Variants in GREB1L observed in about 807,000 individuals in gnomAD.
GREB1L encodes GREB1-like protein.
GREB1L carries 17 observed loss-of-function variants against 200.8 expected under a neutral mutation model. The ratio of observed to expected loss-of-function variants is 0.08; its 90% CI spans 0.06 to 0.13. The LOEUF (loss-of-function observed/expected upper bound fraction) is 0.13, where lower values mean the gene tolerates loss of function less well. GREB1L is among the 10% of genes least tolerant of loss of function. GREB1L has a pLI of 1.00. For synonymous variants in GREB1L, 789 were observed against 893.0 expected (o/e 0.88, Z 2.08); for missense variants, 1,657 against 2,367.7 (o/e 0.70, Z 6.23).
intron 1 of GREB1L, among the ~76,000 whole-genome samples, chr18:21,354,854 A>G (rs1222741778): frequency 1.3e-5 from 2 of 152,234 alleles, no homozygotes; most frequent in Admixed American, 6.5e-5. Flanking sequence ...ATAAGGCTGG[A>G]GAGATGTGCA....
rs139550729 is a variant in GREB1L, at chr18:21,486,092, C to T, written c.2690+339C>T. ...GCTTCTGGCTGGGCGCGGTGGCCCA[C>T]GCCTGTAATCCCAGCACTTTGGGAG... is the stretch of plus-strand genomic sequence containing the variant. On this transcript the variant is annotated intron_variant, in intron 18 of 32. Transcript: ENST00000424526. Among the ~76,000 whole-genome samples, 166 of 152,282 alleles carry T rather than the reference C, an allele frequency of 1.1e-3. 1 individual carries two copies. The East Asian group carries it at 0.027, about 24-fold the overall frequency.
At chr18:21,373,208 C>T (rs1035209754) in intron 2 of GREB1L, among the ~76,000 whole-genome samples, 6 of 152,090 alleles carry the variant, frequency 3.9e-5, no homozygotes, top group Admixed American at 1.3e-4. Context: ...GAGGTGACAG[C>T]GGGATCTCTC....
At chr18:21,272,018 C>T (rs1283389692) in intron 1 of GREB1L, among the ~76,000 whole-genome samples, 2 of 152,178 alleles carry the variant, frequency 1.3e-5, no homozygotes, top group Non-Finnish European at 1.5e-5. Flanking sequence ...AAAAACAGGA[C>T]TAAGAATATC....
At chr18:21,314,767 A>G (rs1490995005) in intron 1 of GREB1L, among the ~76,000 whole-genome samples, 2 of 152,214 alleles carry the variant, frequency 1.3e-5, no homozygotes, top group Non-Finnish European at 2.9e-5. Flanking sequence ...GCTCTAGACA[A>G]TATGAAAATG....
chr18:21,335,843 T>C (rs1049252712), intron 1 of GREB1L, among the ~76,000 whole-genome samples: 14 of 151,998 alleles, frequency 9.2e-5, no homozygotes, highest in Non-Finnish European at 1.8e-4. Flanking sequence ...TTTTGTATTT[T>C]TAGTAGAGAC....
intron 1 of GREB1L, among the ~76,000 whole-genome samples, chr18:21,263,063 C>T (rs2037914120): frequency 6.6e-6 from 1 of 152,160 alleles, no homozygotes; most frequent in South Asian, 2.1e-4. Context: ...TACCTGGTGA[C>T]TGAAAGTGCT....
rs1567919435 is a variant in GREB1L at position 21,278,400 on chromosome 18, ATAAAT to A, written c.-120+36008_-120+36012del. Among the ~76,000 whole-genome samples the A allele has an allele frequency of 3.6e-3, 494 of 137,912 alleles. 3 individuals are homozygous for A. Among genetic ancestry groups the A allele is most frequent in the African/African-American group, 0.014 (476 of 33,222 alleles). 90.5% of individuals were successfully genotyped at this position (137,912 alleles called of 152,430 possible). A position where few individuals can be genotyped will look rare whatever the true frequency, so the allele number is the denominator to read the frequency against. On this transcript the variant is annotated intron_variant, in intron 1 of 32. Transcript: ENST00000424526. ...CATCTCAAAAAAAAAAAATAAATAAATAAATAAATAAATAAATAAATAAATAAATA... is the reference window on the plus strand; with the variant it reads ...CATCTCAAAAAAAAAAAATAAATAAAAAATAAATAAATAAATAAATAAATA...
chr18:21,525,026 A>ATATATATATATATATC lies in GREB1L; in HGVS notation c.*2206_*2207insATATATATATATATCT, dbSNP rs1568085597. The ATATATATATATATATC allele has an allele frequency of 2.0e-5, 3 of 151,088 alleles. No individual in the cohort carries two copies. The highest frequency in any genetic ancestry group is 3.0e-5 in the Non-Finnish European group (2 of 67,770). The allele number at this position is 151,088 out of a possible 1,614,324, so 9.4% of individuals were successfully genotyped here. ...ATGATTTGTGTGTATATATATATAT[A>ATATATATATATATATC]TCCTAGTGTGTTCAGCTTTAAGCTT... On this transcript the variant is annotated 3_prime_UTR_variant, in exon 33 of 33. Coordinates refer to ENST00000424526, the MANE Select transcript of GREB1L (RefSeq NM_001142966.3).
At chr18:21,383,041 A>T (rs2040388702) in intron 2 of GREB1L, among the ~76,000 whole-genome samples, 1 of 151,896 alleles carries the variant, frequency 6.6e-6, no homozygotes, top group Non-Finnish European at 1.5e-5. Flanking sequence ...TAAAACTTTC[A>T]TTTTTTTTCC....
At chr18:21,431,181 G>A (rs1568004678) in intron 7 of GREB1L, among the ~76,000 whole-genome samples, 1 of 151,622 alleles carries the variant, frequency 6.6e-6, no homozygotes, top group Admixed American at 6.6e-5. Flanking sequence ...ACCACCACAC[G>A]TGGCTAATTT....
chr18:21,476,581 T>G (rs578257121), intron 16 of GREB1L, among the ~76,000 whole-genome samples: 1 of 147,802 alleles, frequency 6.8e-6, no homozygotes, highest in South Asian at 2.1e-4. Context: ...TGGGGTTTTG[T>G]TTTTTTTTTA....
At chr18:21,385,641 TAGG>T (rs1368896791) in intron 4 of GREB1L, among the ~76,000 whole-genome samples, 1 of 152,190 alleles carries the variant, frequency 6.6e-6, no homozygotes, top group East Asian at 1.9e-4. Context: ...TGTGGAGGTG[TAGG>T]AGGTGACTAG....
chr18:21,293,493 G>A (rs2038481622), intron 1 of GREB1L, among the ~76,000 whole-genome samples: 1 of 152,180 alleles, frequency 6.6e-6, no homozygotes, highest in Non-Finnish European at 1.5e-5. Context: ...AAGAAGGCAA[G>A]GAGTTGGACT....
At chr18:21,400,737 T>G (rs2041282808) in intron 5 of GREB1L, among the ~76,000 whole-genome samples, 1 of 152,162 alleles carries the variant, frequency 6.6e-6, no homozygotes, top group South Asian at 2.1e-4. Flanking sequence ...TGGAGGCAAG[T>G]TCGAGTGGTA....
In GREB1L at chr18:21,264,673, C is replaced by G. The variant is rs148194232; in HGVS notation, c.-120+22280C>G. 2.6e-3 allele frequency among the ~76,000 whole-genome samples: 396 copies of G among 150,302 alleles called. 8 individuals are homozygous for G. In the East Asian group the frequency reaches 0.04, roughly 15 times the overall value. ...GGTCTTATCCTTTCTCCCCCTCCCC[C>G]CCTCCTGGTCACCCTTCACCCCCGC... On this transcript the variant is annotated intron_variant, in intron 1 of 32. Transcript: ENST00000424526.
intron 21 of GREB1L, 86 bp downstream of exon 21, chr18:21,496,784 C>T: frequency 6.9e-7 from 1 of 1,443,170 alleles, no homozygotes; most frequent in Non-Finnish European, 9.3e-7. Flanking sequence ...CATTTACTGA[C>T]ACCCCAACGG....
intron 2 of GREB1L, among the ~76,000 whole-genome samples, chr18:21,373,354 C>T (rs557065892): frequency 7.9e-5 from 12 of 151,612 alleles, no homozygotes; most frequent in African/African-American, 2.4e-4. Context: ...CCTTTTTTTT[C>T]GAGACAGAGT....
chr18:21,441,372 C>A (rs2033892032), intron 9 of GREB1L, 28 bp from the exon 10 acceptor site: 10 of 1,509,298 alleles, frequency 6.6e-6, no homozygotes, highest in Admixed American at 4.9e-5. Context: ...TTCACGCCAT[C>A]TTTCTTGTCA....
chr18:21,468,303 C>T (rs1206422295), intron 15 of GREB1L, among the ~76,000 whole-genome samples: 1 of 152,162 alleles, frequency 6.6e-6, no homozygotes. Context: ...GCATCTTGTA[C>T]AATCCCACTT....
Sources: gnomAD v4.1 joint callset for allele counts (sites outside exome capture counted in the v4.1 genomes callset) on GRCh38, gnomAD v4.1.1 for gene constraint, MANE v1.5 for transcripts, NCBI Gene and HGNC (gene_info 2026-07-23, HGNC 2026-07-21) for gene names.